SNX13: variants seen among roughly 807,000 people sequenced by gnomAD.
SNX13 encodes the protein sorting nexin-13.
In SNX13, 45 loss-of-function variants were observed where a neutral mutation model predicts 133.6. The ratio of observed to expected loss-of-function variants is 0.34; its 90% CI spans 0.27 to 0.43. SNX13 has a LOEUF of 0.43. Ranked by LOEUF, SNX13 falls within the 20% of genes least tolerant of loss-of-function variation. SNX13 has a pLI of 1.00. For synonymous variants in SNX13, 414 were observed against 373.9 expected (o/e 1.11, Z -1.24); for missense variants, 1,032 against 1,145.1 (o/e 0.90, Z 1.43).
At chr7:17,908,990 T>C (rs548945320) in intron 1 of SNX13, among the ~76,000 whole-genome samples, 2 of 152,068 alleles carry the variant, frequency 1.3e-5, no homozygotes, top group South Asian at 2.1e-4. Flanking sequence ...GACCATAATA[T>C]GAGTAGGCAC....
At chr7:17,846,398 G>A (rs1046053105) in intron 11 of SNX13, among the ~76,000 whole-genome samples, 5 of 152,116 alleles carry the variant, frequency 3.3e-5, no homozygotes, top group South Asian at 2.1e-4. Flanking sequence ...CAAGGAAAAC[G>A]AAGATGAAAA....
At chr7:17,906,842 A>T (rs1424789877) in intron 1 of SNX13, among the ~76,000 whole-genome samples, 4 of 152,166 alleles carry the variant, frequency 2.6e-5, no homozygotes, top group Non-Finnish European at 5.9e-5. Flanking sequence ...TCTATAGAAT[A>T]AATAGGAGAC....
intron 11 of SNX13, among the ~76,000 whole-genome samples, chr7:17,848,253 G>A (rs986293508): frequency 3.9e-5 from 6 of 151,968 alleles, no homozygotes; most frequent in Non-Finnish European, 7.4e-5. Flanking sequence ...TTACCTACCC[G>A]CCCCATTCCC....
chr7:17,850,945 T>C lies in SNX13; in HGVS notation c.857A>G (p.Asn286Ser). ...VIWMIRDSNC[N>S]YEAFMNIIKL... ...AATAATGTTCATAAAGGCCTCATAG[T>C]TGCAGTTAGAATCACGGATCTGAAA... Residue 286 changes from asparagine (N) to serine (S), a missense_variant, in exon 10 of 26, where the codon AAC becomes AGC. Asn to Ser is a conservative substitution (Grantham distance 46). Coordinates refer to ENST00000428135, the MANE Select transcript of SNX13 (RefSeq NM_015132.5). The C allele has an allele frequency of 6.2e-7, 1 of 1,606,152 alleles. No individual in the cohort carries two copies. Among genetic ancestry groups the C allele is most frequent in the Non-Finnish European group, 8.5e-7 (1 of 1,177,710 alleles).
chr7:17,931,684 A>G (rs184761024), intron 1 of SNX13, among the ~76,000 whole-genome samples: 1 of 152,348 alleles, frequency 6.6e-6, no homozygotes, highest in East Asian at 1.9e-4. Flanking sequence ...GGGTCTTCAC[A>G]GATGCATCAG....
At chr7:17,894,894 G>A (rs898788029) in intron 2 of SNX13, among the ~76,000 whole-genome samples, 9 of 152,060 alleles carry the variant, frequency 5.9e-5, no homozygotes, top group African/African-American at 2.2e-4. Context: ...ACAAAAGCAG[G>A]GGTTGGGGGT....
chr7:17,871,435 C>G (rs568316778), intron 8 of SNX13, among the ~76,000 whole-genome samples: 12 of 152,278 alleles, frequency 7.9e-5, no homozygotes, highest in African/African-American at 2.6e-4. Context: ...CAAACTTAGG[C>G]TCCTCTGAAT....
chr7:17,930,773 A>G (rs1801305117), intron 1 of SNX13, among the ~76,000 whole-genome samples: 1 of 152,192 alleles, frequency 6.6e-6, no homozygotes, highest in Non-Finnish European at 1.5e-5. Flanking sequence ...GGAGGTGAGC[A>G]GCAGGGGTTA....
At chr7:17,916,362 A>C (rs1260326669) in intron 1 of SNX13, among the ~76,000 whole-genome samples, 1 of 152,222 alleles carries the variant, frequency 6.6e-6, no homozygotes, top group Non-Finnish European at 1.5e-5. Context: ...AAGGATCAAC[A>C]AAATCAAAAG....
intron 17 of SNX13, among the ~76,000 whole-genome samples, chr7:17,824,895 T>C (rs1406676632): frequency 6.6e-6 from 1 of 151,646 alleles, no homozygotes; most frequent in African/African-American, 2.4e-5. Flanking sequence ...TCAGCCTCCC[T>C]AGTAGCTGGG....
chr7:17,852,340 T>C (rs1037273905), intron 9 of SNX13, among the ~76,000 whole-genome samples: 6 of 151,736 alleles, frequency 4.0e-5, no homozygotes, highest in African/African-American at 1.5e-4. Context: ...GCCACTGTAC[T>C]CCAGGTTGGG....
At chr7:17,827,380 G>C (rs1330206362) in intron 16 of SNX13, among the ~76,000 whole-genome samples, 2 of 151,924 alleles carry the variant, frequency 1.3e-5, no homozygotes, top group African/African-American at 4.8e-5. Context: ...ATAATAGGAT[G>C]TGAATGAGCT....
At position 17,867,364 on chromosome 7, in the gene SNX13, C is replaced by T. The variant is rs900042453; in HGVS notation, c.837+1043G>A. Reference sequence around the variant, plus strand: ...GCTCACACCTGTAATCCCAGCACTTCGGGAGGCTGAGGCAGGCAGATCGCT... The same window carrying T: ...GCTCACACCTGTAATCCCAGCACTTTGGGAGGCTGAGGCAGGCAGATCGCT... On this transcript the variant is annotated intron_variant, in intron 9 of 25. Transcript: ENST00000428135. Among the ~76,000 whole-genome samples the T allele has an allele frequency of 4.6e-5, 7 of 152,012 alleles. No homozygotes were observed. In the East Asian group the frequency reaches 1.2e-3, roughly 25 times the overall value.
At position 17,796,983 on chromosome 7, in the gene SNX13, C is replaced by A. The variant is rs920504207; in HGVS notation, c.2514-44G>T. ...TACATTTTGTAAACATTTTCATTTT[C>A]TAATGATACAAGTTGATAAAATTAT... On this transcript the variant is annotated intron_variant, in intron 24 of 25. Transcript: ENST00000428135. 5.3e-6 allele frequency: 7 copies of A among 1,329,222 alleles called. No individual in the cohort carries two copies. The African/African-American group carries it at 1.0e-4, about 19-fold the overall frequency. 82.3% of individuals were successfully genotyped at this position (1,329,222 alleles called of 1,614,324 possible). A position where few individuals can be genotyped will look rare whatever the true frequency, so the allele number is the denominator to read the frequency against.
At chr7:17,906,369 G>A (rs540446424) in intron 1 of SNX13, among the ~76,000 whole-genome samples, 127 of 151,976 alleles carry the variant, frequency 8.4e-4, no homozygotes, top group Non-Finnish European at 1.5e-3. Context: ...TTAGTATAAG[G>A]AAATAATAGA....
At chr7:17,885,893 T>G (rs1006027825) in intron 5 of SNX13, among the ~76,000 whole-genome samples, 5 of 152,332 alleles carry the variant, frequency 3.3e-5, no homozygotes, top group Non-Finnish European at 7.3e-5. Flanking sequence ...ATTTCTAATT[T>G]TAAATTAGTT....
In SNX13 at chr7:17,833,957, C is replaced by T. The variant is rs1562725746; in HGVS notation, c.1597+95G>A. 3.2e-6 allele frequency: 3 copies of T among 945,754 alleles called. No homozygotes were observed. The South Asian group carries it at 1.3e-4, about 42-fold the overall frequency. 58.6% of individuals were successfully genotyped at this position (945,754 alleles called of 1,614,324 possible). A position where few individuals can be genotyped will look rare whatever the true frequency, so the allele number is the denominator to read the frequency against. On this transcript the variant is annotated intron_variant, in intron 15 of 25. Transcript: ENST00000428135. ...ATATATTACAGTTTATATTTGGACTCCAACAACATTTTTAACTTATACAAA... is the reference window on the plus strand; with the variant it reads ...ATATATTACAGTTTATATTTGGACTTCAACAACATTTTTAACTTATACAAA...
intron 1 of SNX13, among the ~76,000 whole-genome samples, chr7:17,921,173 A>G (rs577307803): frequency 2.6e-5 from 4 of 152,190 alleles, no homozygotes; most frequent in Non-Finnish European, 5.9e-5. Flanking sequence ...AATTCAGTCT[A>G]TCAAGGTCTG....
intron 13 of SNX13, among the ~76,000 whole-genome samples, chr7:17,838,891 A>G (rs1044869050): frequency 1.8e-4 from 28 of 151,606 alleles, no homozygotes; most frequent in Non-Finnish European, 3.5e-4. Context: ...GTGTTCTGGA[A>G]AATAATGTGT....
Sources: gnomAD v4.1 joint callset for allele counts (sites outside exome capture counted in the v4.1 genomes callset) on GRCh38, gnomAD v4.1.1 for gene constraint, MANE v1.5 for transcripts, NCBI Gene and HGNC (gene_info 2026-07-23, HGNC 2026-07-21) for gene names.